SNX29: variants seen among roughly 807,000 people sequenced by gnomAD.
The protein encoded by SNX29 is sorting nexin 29.
In SNX29, 78 loss-of-function variants were observed where a neutral mutation model predicts 102.1. The observed-to-expected ratio is 0.76, with a 90% CI of 0.64 to 0.92. The LOEUF (loss-of-function observed/expected upper bound fraction) is 0.92. Among genes scored for constraint, SNX29 ranks in the 40% least tolerant of loss-of-function variants. SNX29 has a pLI of 0.00. For synonymous variants in SNX29, 580 were observed against 414.5 expected (o/e 1.40, Z -4.85); for missense variants, 1,280 against 1,061.7 (o/e 1.21, Z -2.86).
chr16:12,517,544 T>C (rs1283036708), intron 19 of SNX29, among the ~76,000 whole-genome samples: 1 of 152,202 alleles, frequency 6.6e-6, no homozygotes, highest in Non-Finnish European at 1.5e-5. Flanking sequence ...ATTCTTCCTA[T>C]GGTCTGCCTG....
chr16:12,406,319 A>G (rs1029467870), intron 18 of SNX29, among the ~76,000 whole-genome samples: 5 of 152,244 alleles, frequency 3.3e-5, no homozygotes, highest in African/African-American at 1.2e-4. Context: ...ATAAGAAAAT[A>G]TGTTAATTCT....
At chr16:12,231,911 T>C (rs1049910924) in intron 14 of SNX29, among the ~76,000 whole-genome samples, 2 of 152,262 alleles carry the variant, frequency 1.3e-5, no homozygotes. Flanking sequence ...AATTTCTTTT[T>C]GGTGAATAAT....
At chr16:12,391,085 A>C (rs563482148) in intron 16 of SNX29, among the ~76,000 whole-genome samples, 1 of 152,014 alleles carries the variant, frequency 6.6e-6, no homozygotes, top group Non-Finnish European at 1.5e-5. Context: ...AGTTGGGACT[A>C]TAGGAGCATG....
chr16:12,013,499 AAATATAT>A (rs1256565211), intron 3 of SNX29, among the ~76,000 whole-genome samples: 16 of 69,002 alleles, frequency 2.3e-4, no homozygotes, highest in African/African-American at 6.5e-4. Flanking sequence ...AAAAAAAAAA[AAATATAT>A]ATATATATAT....
chr16:12,100,374 G>T (rs2052960435), intron 11 of SNX29, among the ~76,000 whole-genome samples: 1 of 152,194 alleles, frequency 6.6e-6, no homozygotes, highest in Non-Finnish European at 1.5e-5. Flanking sequence ...TCTGTGGACA[G>T]TGCCCAGCGT....
chr16:12,003,153 G>T, intron 3 of SNX29, 110 bp downstream of exon 3: 1 of 1,361,744 alleles, frequency 7.3e-7, no homozygotes, highest in Non-Finnish European at 1.0e-6. Context: ...GCAGAAGGCG[G>T]CTGGCTTCTG....
intron 15 of SNX29, among the ~76,000 whole-genome samples, chr16:12,323,520 A>T (rs1028162125): frequency 6.9e-6 from 1 of 145,008 alleles, no homozygotes; most frequent in African/African-American, 2.9e-5. Context: ...GAGGTTTTAA[A>T]AAAAAAAAAA....
At chr16:12,022,304 G>A (rs2057051810) in intron 3 of SNX29, among the ~76,000 whole-genome samples, 1 of 151,484 alleles carries the variant, frequency 6.6e-6, no homozygotes, top group African/African-American at 2.4e-5. Flanking sequence ...GGGTTCAAGC[G>A]ATTCTCCAGC....
intron 4 of SNX29, among the ~76,000 whole-genome samples, chr16:12,035,372 T>G (rs1638681255): frequency 1.3e-5 from 2 of 152,110 alleles, no homozygotes; most frequent in African/African-American, 4.8e-5. Context: ...CCACCATGCC[T>G]GGTTAATTTA....
At chr16:12,504,864 C>T (rs904167776) in intron 19 of SNX29, among the ~76,000 whole-genome samples, 1 of 152,208 alleles carries the variant, frequency 6.6e-6, no homozygotes, top group Non-Finnish European at 1.5e-5. Context: ...TAAGCGGGAC[C>T]ACTGTACTTC....
At chr16:12,447,628 G>A (rs2151700540) in intron 18 of SNX29, among the ~76,000 whole-genome samples, 1 of 152,366 alleles carries the variant, frequency 6.6e-6, no homozygotes, top group South Asian at 2.1e-4. Flanking sequence ...GACCCGAATG[G>A]TGGAAACCAG....
intron 15 of SNX29, among the ~76,000 whole-genome samples, chr16:12,306,793 T>A (rs1248517726): frequency 1.3e-5 from 2 of 152,234 alleles, no homozygotes; most frequent in Non-Finnish European, 2.9e-5. Context: ...GACAACCTTG[T>A]CAGCCGAGCT....
At chr16:12,435,561 G>A (rs1199067814) in intron 18 of SNX29, among the ~76,000 whole-genome samples, 1 of 152,160 alleles carries the variant, frequency 6.6e-6, no homozygotes, top group Admixed American at 6.5e-5. Flanking sequence ...TTGGGACATA[G>A]CTGTTTCAGG....
chr16:12,093,729 G>T (rs976002122), intron 11 of SNX29: 3 of 152,338 alleles, frequency 2.0e-5, no homozygotes, highest in African/African-American at 7.2e-5. Context: ...TGAAGTGTCT[G>T]TTGTATCTGG....
At chr16:12,192,742 A>T (rs1317185055) in intron 13 of SNX29, among the ~76,000 whole-genome samples, 1 of 151,724 alleles carries the variant, frequency 6.6e-6, no homozygotes, top group African/African-American at 2.4e-5. Flanking sequence ...TCTCACTTTC[A>T]CCCAGGCTGG....
At chr16:12,303,147 T>A (rs1467592714) in intron 15 of SNX29, among the ~76,000 whole-genome samples, 1 of 152,236 alleles carries the variant, frequency 6.6e-6, no homozygotes, top group Non-Finnish European at 1.5e-5. Flanking sequence ...GGCTGTAGAC[T>A]GGCAGTCGAT....
intron 19 of SNX29, among the ~76,000 whole-genome samples, chr16:12,498,727 C>G (rs969066029): frequency 1.3e-5 from 2 of 152,230 alleles, no homozygotes; most frequent in Non-Finnish European, 2.9e-5. Context: ...CTACATCTGT[C>G]TCTAAGTCAG....
At chr16:12,549,425 G>A (rs2077820754) in intron 20 of SNX29, among the ~76,000 whole-genome samples, 2 of 152,332 alleles carry the variant, frequency 1.3e-5, no homozygotes, top group Middle Eastern at 3.4e-3. Flanking sequence ...AACCTGGGAG[G>A]TGGAGGTTGC....
intron 11 of SNX29, among the ~76,000 whole-genome samples, chr16:12,110,471 A>G (rs1035871181): frequency 6.6e-6 from 1 of 152,180 alleles, no homozygotes; most frequent in African/African-American, 2.4e-5. Flanking sequence ...CACAGAAGCA[A>G]GAGTCCAGCT....
Sources: gnomAD v4.1 joint callset for allele counts (sites outside exome capture counted in the v4.1 genomes callset) on GRCh38, gnomAD v4.1.1 for gene constraint, MANE v1.5 for transcripts, NCBI Gene and HGNC (gene_info 2026-07-23, HGNC 2026-07-21) for gene names.